Variants in NET1 observed in about 807,000 individuals in gnomAD.
NET1 encodes the protein neuroepithelial cell transforming 1, also known as neuroepithelial cell-transforming gene 1 protein.
Under a neutral mutation model 61.1 loss-of-function variants are expected in NET1, and 42 were observed. That is an observed-to-expected ratio of 0.69 (90% confidence interval 0.54 to 0.89). The LOEUF (loss-of-function observed/expected upper bound fraction) is 0.89. NET1 is among the 40% of genes least tolerant of loss of function. The pLI is 0.00. For missense variants in NET1, 654 were observed against 747.3 expected, an observed-to-expected ratio of 0.88 and a Z score of 1.46; for synonymous variants, 254 against 281.8, an observed-to-expected ratio of 0.90 and a Z score of 0.99.
rs150279732 is a variant in NET1, at chr10:5,415,169, A to G, written c.128+2349A>G. Among the ~76,000 whole-genome samples the G allele has an allele frequency of 6.1e-4, 93 of 152,370 alleles. 1 individual carries two copies. The East Asian group carries it at 0.017, about 27-fold the overall frequency. ...AAAGATTTGTGTGTATGATTATGTG[A>G]CTATTGAAAAACGTTCTGCAGGCAA... is the stretch of plus-strand genomic sequence containing the variant. On this transcript the variant is annotated intron_variant, in intron 1 of 11. Coordinates refer to ENST00000355029, the MANE Select transcript of NET1 (RefSeq NM_001047160.3). This position sits in a 1 kb window ranked among gnomAD's most constrained non-coding sequence, Gnocchi z 4.7.
rs1017552236 is a variant in NET1, at chr10:5,435,678, T to A, written c.255+6449T>A. Among the ~76,000 whole-genome samples the A allele has an allele frequency of 6.6e-6, 1 of 152,210 alleles. No homozygotes were observed. The highest frequency in any genetic ancestry group is 1.5e-5 in the Non-Finnish European group (1 of 68,036). On this transcript the variant is annotated intron_variant, in intron 3 of 11. Transcript: ENST00000355029. This position sits in a 1 kb window ranked among gnomAD's most constrained non-coding sequence, Gnocchi z 5.0. ...CATATAACATGATCATTGTATTACG[T>A]ATTTGGACTTTGGATATCTTATATG...
rs1406511302 is a variant in NET1 at position 5,458,942 on chromosome 10, T to A, written c.*1948T>A. 1.3e-5 allele frequency among the ~76,000 whole-genome samples: 2 copies of A among 152,204 alleles called. No individual in the cohort carries two copies. Among genetic ancestry groups the A allele is most frequent in the Non-Finnish European group, 2.9e-5 (2 of 68,018 alleles). ...TTTAAGAAGCAAGTAATAGTTCAAG[T>A]GTTGTTAATGGAATTATGTTTTATT... On this transcript the variant is annotated 3_prime_UTR_variant, in exon 12 of 12. Coordinates refer to ENST00000355029, the MANE Select transcript of NET1 (RefSeq NM_001047160.3). The surrounding 1 kb of genome is among the most constrained non-coding windows in gnomAD (Gnocchi z 4.5).
Position 5,448,624 on chromosome 10 carries a change from C to T in NET1, c.256-3206C>T, listed in dbSNP as rs199906434. Among the ~76,000 whole-genome samples, 4 of 149,284 alleles carry T rather than the reference C, an allele frequency of 2.7e-5. 1 individual carries two copies. The East Asian group carries it at 7.9e-4, about 29-fold the overall frequency. On this transcript the variant is annotated intron_variant, in intron 3 of 11. Coordinates refer to ENST00000355029, the MANE Select transcript of NET1 (RefSeq NM_001047160.3). ...TCCCTGCAGCAGAAAATTCATTGAGCATGTAAAGCTTGTTGGCATTTTTTT... is the reference window on the plus strand; with the variant it reads ...TCCCTGCAGCAGAAAATTCATTGAGTATGTAAAGCTTGTTGGCATTTTTTT...
chr10:5,456,898 C>T lies in NET1; in HGVS notation c.1695C>T (p.Asp565=). The change falls in exon 12 of 12, where the codon GAC becomes GAT. Residue 565 remains aspartate (D), a synonymous_variant. Coordinates refer to ENST00000355029, the MANE Select transcript of NET1 (RefSeq NM_001047160.3). The surrounding 1 kb of genome is among the most constrained non-coding windows in gnomAD (Gnocchi z 7.0). ...RCGSGMQMAE[D]SKSLKTHQTQ... The stretch of plus-strand genomic sequence containing the variant: ...GCTCTGGCATGCAGATGGCAGAGGA[C>T]AGCAAGAGCTTAAAGACACACCAGA... The T allele has an allele frequency of 6.2e-7, 1 of 1,614,006 alleles. No individual in the cohort carries two copies. Among genetic ancestry groups the T allele is most frequent in the Non-Finnish European group, 8.5e-7 (1 of 1,179,972 alleles).
Position 5,453,116 on chromosome 10 carries a change from T to C in NET1, c.595-134T>C. The C allele has an allele frequency of 1.4e-6, 1 of 736,538 alleles. No homozygotes were observed. Among genetic ancestry groups the C allele is most frequent in the Non-Finnish European group, 2.4e-6 (1 of 417,644 alleles). 45.6% of individuals were successfully genotyped at this position (736,538 alleles called of 1,614,324 possible). Reference sequence around the variant, plus strand: ...GAGAGTTTATTTGGGGATTAATACATACTAATTTATTTTATGTGTAGCAAA... The same window carrying C: ...GAGAGTTTATTTGGGGATTAATACACACTAATTTATTTTATGTGTAGCAAA... On this transcript the variant is annotated intron_variant, in intron 6 of 11. Coordinates refer to ENST00000355029, the MANE Select transcript of NET1 (RefSeq NM_001047160.3). The surrounding 1 kb of genome is among the most constrained non-coding windows in gnomAD (Gnocchi z 4.9).
intron 3 of NET1, among the ~76,000 whole-genome samples, chr10:5,432,043 A>T (rs1468784903): frequency 1.3e-5 from 2 of 152,116 alleles, no homozygotes; most frequent in Non-Finnish European, 2.9e-5. Context: ...TTCTAGGATG[A>T]CAAATTATTG....
rs1044165994 is a variant in NET1 at position 5,423,462 on chromosome 10, G to A, written c.129-3193G>A. ...TACATTGTTCAAAAACATACCAAAT[G>A]ATATGAAAGGAAAACATTAAAGGCC... On this transcript the variant is annotated intron_variant, in intron 1 of 11. Transcript: ENST00000355029. This position sits in a 1 kb window ranked among gnomAD's most constrained non-coding sequence, Gnocchi z 4.4. 5.3e-5 allele frequency among the ~76,000 whole-genome samples: 8 copies of A among 152,052 alleles called. No individual in the cohort carries two copies. The highest frequency in any genetic ancestry group is 5.2e-4 in the Admixed American group (8 of 15,274).
chr10:5,423,211 A>C lies in NET1; in HGVS notation c.129-3444A>C, dbSNP rs1438460949. ...CTTGAGGGTAAATTATGCTTTTAAG[A>C]ATGCTTTTTTCCTGTTGGTAATAGT... is the stretch of plus-strand genomic sequence containing the variant. On this transcript the variant is annotated intron_variant, in intron 1 of 11. Transcript: ENST00000355029. This position sits in a 1 kb window ranked among gnomAD's most constrained non-coding sequence, Gnocchi z 4.4. Among the ~76,000 whole-genome samples the C allele has an allele frequency of 3.9e-5, 6 of 152,228 alleles. No homozygotes were observed. The East Asian group carries it at 1.2e-3, about 29-fold the overall frequency.
intron 3 of NET1, among the ~76,000 whole-genome samples, chr10:5,434,475 T>C (rs1832394828): frequency 6.6e-6 from 1 of 152,168 alleles, no homozygotes; most frequent in African/African-American, 2.4e-5. Flanking sequence ...CAGATGAGGC[T>C]GCTATTCTGA....
At chr10:5,418,572 A>G (rs1001506783) in intron 1 of NET1, among the ~76,000 whole-genome samples, 9 of 151,930 alleles carry the variant, frequency 5.9e-5, no homozygotes, top group Middle Eastern at 3.2e-3. Flanking sequence ...AGTCTTGTCA[A>G]TCTTGATCTT....
rs547938354 is a variant in NET1 at position 5,437,388 on chromosome 10, A to G, written c.255+8159A>G. On this transcript the variant is annotated intron_variant, in intron 3 of 11. Coordinates refer to ENST00000355029, the MANE Select transcript of NET1 (RefSeq NM_001047160.3). The surrounding 1 kb of genome is among the most constrained non-coding windows in gnomAD (Gnocchi z 4.3). Reference sequence around the variant, plus strand: ...GCTGTATTGTATTCCATAGTGTGTTAAAGTACCATAATCTATTTAACCAGT... The same window carrying G: ...GCTGTATTGTATTCCATAGTGTGTTGAAGTACCATAATCTATTTAACCAGT... Among the ~76,000 whole-genome samples, 1 of 152,254 alleles carries G rather than the reference A, an allele frequency of 6.6e-6. No homozygotes were observed. The highest frequency in any genetic ancestry group is 1.5e-5 in the Non-Finnish European group (1 of 68,008).
chr10:5,433,757 G>T (rs144749511), intron 3 of NET1, among the ~76,000 whole-genome samples: 60 of 151,774 alleles, frequency 4.0e-4, no homozygotes, highest in African/African-American at 1.4e-3. Flanking sequence ...GGTATTTATT[G>T]TATTTTGTTT....
chr10:5,422,903 T>G lies in NET1; in HGVS notation c.129-3752T>G, dbSNP rs140020360. On this transcript the variant is annotated intron_variant, in intron 1 of 11. Transcript: ENST00000355029. This position sits in a 1 kb window ranked among gnomAD's most constrained non-coding sequence, Gnocchi z 4.1. ...TGTTTTTGCCTGATTTGCAAAGAAA[T>G]TGAGAACCTCAGTTGCTTGGCACAC... Among the ~76,000 whole-genome samples, 91 of 152,318 alleles carry G rather than the reference T, an allele frequency of 6.0e-4. No individual in the cohort carries two copies. Among genetic ancestry groups the G allele is most frequent in the African/African-American group, 2.1e-3 (86 of 41,570 alleles).
At chr10:5,448,672 A>ATTTT (rs55722042) in intron 3 of NET1, among the ~76,000 whole-genome samples, 9,470 of 126,656 alleles carry the variant, frequency 0.075, 764 homozygotes, top group African/African-American at 0.16. Context: ...GGATTTTTGG[A>ATTTT]TTTTTTTTTT....
chr10:5,428,725 G>GTTTT (rs111559000), intron 2 of NET1, among the ~76,000 whole-genome samples: 1 of 138,210 alleles, frequency 7.2e-6, no homozygotes, highest in Non-Finnish European at 1.6e-5. Context: ...AATTTTCTTT[G>GTTTT]TTTTTTTTTT....
intron 3 of NET1, among the ~76,000 whole-genome samples, chr10:5,442,578 G>A (rs146531820): frequency 2.2e-4 from 34 of 152,154 alleles, no homozygotes; most frequent in Non-Finnish European, 4.1e-4. Flanking sequence ...CCTCAGTTAC[G>A]CCGTTTGTAG....
rs1027498597 is a variant in NET1 at position 5,440,546 on chromosome 10, C to T, written c.256-11284C>T. On this transcript the variant is annotated intron_variant, in intron 3 of 11. Coordinates refer to ENST00000355029, the MANE Select transcript of NET1 (RefSeq NM_001047160.3). This position sits in a 1 kb window ranked among gnomAD's most constrained non-coding sequence, Gnocchi z 4.1. ...AGTGGAGACTATCACTTGTGCAGTC[C>T]GTAACTCTGATGGCTGATCTCTGCA... Among the ~76,000 whole-genome samples the T allele has an allele frequency of 3.9e-5, 6 of 152,080 alleles. No individual in the cohort carries two copies. The highest frequency in any genetic ancestry group is 2.1e-4 in the South Asian group (1 of 4,826).
chr10:5,412,564 C>A lies in NET1; in HGVS notation c.-129C>A. The A allele has an allele frequency of 9.9e-7, 1 of 1,012,954 alleles. No homozygotes were observed. Among genetic ancestry groups the A allele is most frequent in the Non-Finnish European group, 1.3e-6 (1 of 742,062 alleles). 62.7% of individuals were successfully genotyped at this position (1,012,954 alleles called of 1,614,324 possible). A position where few individuals can be genotyped will look rare whatever the true frequency, so the allele number is the denominator to read the frequency against. ...TGCTCAGCCGCCATTTTCAAATCCC[C>A]GGATGACGGCGGTGGCGGCTGCAGT... On this transcript the variant is annotated 5_prime_UTR_variant, in exon 1 of 12. Coordinates refer to ENST00000355029, the MANE Select transcript of NET1 (RefSeq NM_001047160.3). This position sits in a 1 kb window ranked among gnomAD's most constrained non-coding sequence, Gnocchi z 6.5.
Position 5,449,754 on chromosome 10 carries a change from A to C in NET1, c.256-2076A>C, listed in dbSNP as rs1832675442. Among the ~76,000 whole-genome samples, 1 of 152,206 alleles carries C rather than the reference A, an allele frequency of 6.6e-6. No individual in the cohort carries two copies. The highest frequency in any genetic ancestry group is 1.5e-5 in the Non-Finnish European group (1 of 68,028). On this transcript the variant is annotated intron_variant, in intron 3 of 11. Transcript: ENST00000355029. This position sits in a 1 kb window ranked among gnomAD's most constrained non-coding sequence, Gnocchi z 4.4. ...TTTATGTGATAAAATAGATATCAAA[A>C]ATTTATTTCCTGCTAACAAAATTTT...
Sources: gnomAD v4.1 joint callset for allele counts (sites outside exome capture counted in the v4.1 genomes callset) on GRCh38, gnomAD v4.1.1 for gene constraint, Gnocchi (gnomAD v3.1) non-coding constraint, MANE v1.5 for transcripts, NCBI Gene and HGNC (gene_info 2026-07-23, HGNC 2026-07-21) for gene names.